Variants in NIPAL2 observed in about 807,000 individuals in gnomAD.
The protein encoded by NIPAL2 is NIPA like domain containing 2, also known as NIPA-like protein 2.
In NIPAL2, 43 loss-of-function variants were observed where a neutral mutation model predicts 48.9. That is an observed-to-expected ratio of 0.88 (90% confidence interval 0.69 to 1.13). NIPAL2 has a LOEUF of 1.13. NIPAL2 is among the 50% of genes most tolerant of loss of function. The pLI, the probability that NIPAL2 is intolerant of heterozygous loss-of-function variation, is 0.00. For missense variants in NIPAL2, 446 were observed against 461.4 expected, an observed-to-expected ratio of 0.97 and a Z score of 0.31; for synonymous variants, 167 against 174.6, an observed-to-expected ratio of 0.96 and a Z score of 0.34.
intron 1 of NIPAL2, among the ~76,000 whole-genome samples, chr8:98,258,469 C>T (rs1767023903): frequency 6.6e-6 from 1 of 152,142 alleles, no homozygotes; most frequent in Admixed American, 6.5e-5. Context: ...TCACCTGCTG[C>T]AGAATAGATC....
intron 4 of NIPAL2, among the ~76,000 whole-genome samples, chr8:98,235,174 C>A (rs1295714387): frequency 6.6e-6 from 1 of 152,110 alleles, no homozygotes; most frequent in East Asian, 1.9e-4. Flanking sequence ...AATATGATCT[C>A]CCTGGAAGAG....
chr8:98,267,349 G>A (rs1031200225), intron 1 of NIPAL2, among the ~76,000 whole-genome samples: 2 of 150,846 alleles, frequency 1.3e-5, no homozygotes, highest in Admixed American at 1.3e-4. Flanking sequence ...TTTGAAACAG[G>A]GTCTCACTTT....
intron 3 of NIPAL2, among the ~76,000 whole-genome samples, chr8:98,237,615 GATTT>G (rs1277528989): frequency 6.6e-6 from 1 of 152,152 alleles, no homozygotes; most frequent in Non-Finnish European, 1.5e-5. Context: ...AAAGAGCTAT[GATTT>G]TGCTTCTGAT....
chr8:98,264,104 A>G (rs1814546883), intron 1 of NIPAL2, among the ~76,000 whole-genome samples: 1 of 152,126 alleles, frequency 6.6e-6, no homozygotes, highest in African/African-American at 2.4e-5. Flanking sequence ...AACTCTCAAT[A>G]AATTAGGTAT....
At chr8:98,213,251 A>C (rs897647294) in intron 5 of NIPAL2, among the ~76,000 whole-genome samples, 2 of 152,118 alleles carry the variant, frequency 1.3e-5, no homozygotes, top group Admixed American at 6.5e-5. Context: ...ATCTGTGTTT[A>C]TCATTCACTT....
At chr8:98,243,415 G>C (rs987994528) in intron 3 of NIPAL2, among the ~76,000 whole-genome samples, 3 of 152,268 alleles carry the variant, frequency 2.0e-5, no homozygotes, top group African/African-American at 7.2e-5. Flanking sequence ...CTAGATGTGG[G>C]GGAGGGTGCC....
intron 1 of NIPAL2, among the ~76,000 whole-genome samples, chr8:98,274,353 A>G (rs548600528): frequency 6.8e-4 from 104 of 152,074 alleles, no homozygotes; most frequent in African/African-American, 2.4e-3. Flanking sequence ...CAATCTTACT[A>G]AATTTTGGAC....
chr8:98,279,812 A>C (rs908529462), intron 1 of NIPAL2, among the ~76,000 whole-genome samples: 4 of 152,242 alleles, frequency 2.6e-5, no homozygotes, highest in Non-Finnish European at 5.9e-5. Flanking sequence ...TGTAGTTATA[A>C]GTAGAGGCCA....
intron 1 of NIPAL2, among the ~76,000 whole-genome samples, chr8:98,280,796 C>G (rs6994310): frequency 3.5e-5 from 2 of 56,624 alleles, no homozygotes; most frequent in South Asian, 5.3e-4. Flanking sequence ...AGAGAGAAAG[C>G]GAGAGAAACA....
intron 1 of NIPAL2, among the ~76,000 whole-genome samples, chr8:98,254,393 C>T (rs550468039): frequency 1.3e-5 from 2 of 152,226 alleles, no homozygotes; most frequent in East Asian, 1.9e-4. Flanking sequence ...CTGCTTCTTA[C>T]GTATCCTTTC....
intron 5 of NIPAL2, among the ~76,000 whole-genome samples, chr8:98,214,076 T>C (rs1352287067): frequency 6.6e-6 from 1 of 152,152 alleles, no homozygotes; most frequent in South Asian, 2.1e-4. Flanking sequence ...AACTGTTCAA[T>C]AAATATTAAT....
chr8:98,276,814 C>T (rs1034913180), intron 1 of NIPAL2, among the ~76,000 whole-genome samples: 1 of 150,838 alleles, frequency 6.6e-6, no homozygotes, highest in African/African-American at 2.4e-5. Flanking sequence ...ACTCTGTTGC[C>T]CAGGCTGAAG....
At chr8:98,242,264 C>T (rs144701384) in intron 3 of NIPAL2, among the ~76,000 whole-genome samples, 1 of 151,328 alleles carries the variant, frequency 6.6e-6, no homozygotes, top group African/African-American at 2.4e-5. Flanking sequence ...GCTGCAGCCT[C>T]GACCTCCTGA....
chr8:98,264,480 C>T (rs1286505137), intron 1 of NIPAL2, among the ~76,000 whole-genome samples: 3 of 150,240 alleles, frequency 2.0e-5, no homozygotes, highest in Non-Finnish European at 4.5e-5. Flanking sequence ...TTCTTATACA[C>T]CAGCAATAGA....
At chr8:98,273,424 G>C (rs954272984) in intron 1 of NIPAL2, among the ~76,000 whole-genome samples, 2 of 152,036 alleles carry the variant, frequency 1.3e-5, no homozygotes, top group Non-Finnish European at 2.9e-5. Flanking sequence ...GTGATAAAAT[G>C]TTCTAAAATT....
chr8:98,289,450 G>T (rs1816374769), intron 1 of NIPAL2, among the ~76,000 whole-genome samples: 1 of 151,826 alleles, frequency 6.6e-6, no homozygotes, highest in Non-Finnish European at 1.5e-5. Context: ...ATTTACAAAA[G>T]TTTTGAACAG....
chr8:98,227,886 C>G (rs2130770650), intron 4 of NIPAL2, among the ~76,000 whole-genome samples: 1 of 152,290 alleles, frequency 6.6e-6, no homozygotes, highest in African/African-American at 2.4e-5. Flanking sequence ...GACCCCAGAG[C>G]CTTTTAGCCC....
chr8:98,254,030 G>A lies in NIPAL2; in HGVS notation c.193C>T (p.Leu65=). Reference sequence around the variant, plus strand: ...AGCTTTTTTCTTACCTGAATATTTAGAGAAATACTGATCACCAAGTTTCCT... The same window carrying A: ...AGCTTTTTTCTTACCTGAATATTTAAAGAAATACTGATCACCAAGTTTCCT... The part of the protein sequence containing the change: ...ILGNLVISIS[L]NIQKYSHLQL... The change falls in exon 2 of 11, where the codon CTA becomes TTA. Residue 65 remains leucine (L), a synonymous_variant. Transcript: ENST00000430223. 6.2e-7 allele frequency: 1 copy of A among 1,608,330 alleles called. No individual in the cohort carries two copies. Among genetic ancestry groups the A allele is most frequent in the South Asian group, 1.1e-5 (1 of 90,552 alleles).
At chr8:98,253,435 T>A (rs538663061) in intron 2 of NIPAL2, among the ~76,000 whole-genome samples, 1 of 152,350 alleles carries the variant, frequency 6.6e-6, no homozygotes, top group South Asian at 2.1e-4. Flanking sequence ...TGATTTAAAA[T>A]TTTTTATTTA....
Sources: gnomAD v4.1 joint callset for allele counts (sites outside exome capture counted in the v4.1 genomes callset) on GRCh38, gnomAD v4.1.1 for gene constraint, MANE v1.5 for transcripts, NCBI Gene and HGNC (gene_info 2026-07-23, HGNC 2026-07-21) for gene names.